Variants in ADGRL3 observed in about 807,000 individuals in gnomAD.
The protein encoded by ADGRL3 is adhesion G protein-coupled receptor L3.
ADGRL3 carries 62 observed loss-of-function variants against 153.5 expected under a neutral mutation model. That is an observed-to-expected ratio of 0.40 (90% CI 0.33 to 0.50). ADGRL3 has a LOEUF of 0.50. Ranked by LOEUF, ADGRL3 falls within the 20% of genes least tolerant of loss-of-function variation. ADGRL3 has a pLI of 0.47. For synonymous variants in ADGRL3, 710 were observed against 672.5 expected, an observed-to-expected ratio of 1.06 and a Z score of -0.86; for missense variants, 1,641 against 1,859.4, an observed-to-expected ratio of 0.88 and a Z score of 2.16.
At chr4:61,302,430 C>T (rs2094608537) in intron 1 of ADGRL3, among the ~76,000 whole-genome samples, 1 of 151,998 alleles carries the variant, frequency 6.6e-6, no homozygotes, top group African/African-American at 2.4e-5. Context: ...ATCTAAAAAA[C>T]TAGGTATTGG....
At chr4:61,370,429 G>T (rs1398116417) in intron 1 of ADGRL3, among the ~76,000 whole-genome samples, 3 of 151,540 alleles carry the variant, frequency 2.0e-5, no homozygotes, top group Non-Finnish European at 4.4e-5. Context: ...GGTATGTTGT[G>T]TCTTTGTTCT....
intron 1 of ADGRL3, among the ~76,000 whole-genome samples, chr4:61,266,424 G>A (rs537287581): frequency 6.6e-6 from 1 of 151,918 alleles, no homozygotes; most frequent in South Asian, 2.1e-4. Flanking sequence ...CTTTTACATA[G>A]TGGGAGTTCT....
chr4:61,847,851 ATAT>A (rs1489858570), intron 9 of ADGRL3, among the ~76,000 whole-genome samples: 2 of 12,786 alleles, frequency 1.6e-4, no homozygotes, highest in African/African-American at 2.1e-4. Context: ...AATATAAAAT[ATAT>A]TATATATAAT....
intron 23 of ADGRL3, among the ~76,000 whole-genome samples, chr4:62,032,079 T>C (rs528904496): frequency 2.0e-5 from 3 of 151,532 alleles, no homozygotes; most frequent in African/African-American, 7.2e-5. Flanking sequence ...CATTAGAACA[T>C]ATAAATGTTT....
intron 17 of ADGRL3, among the ~76,000 whole-genome samples, chr4:61,961,055 C>T (rs564653251): frequency 2.0e-5 from 3 of 152,120 alleles, no homozygotes; most frequent in African/African-American, 2.4e-5. Context: ...CAGGTCTTTA[C>T]GTCTAACCCC....
At chr4:61,863,466 T>G (rs2098368984) in intron 9 of ADGRL3, among the ~76,000 whole-genome samples, 1 of 151,818 alleles carries the variant, frequency 6.6e-6, no homozygotes, top group South Asian at 2.1e-4. Context: ...CTCGATCTCC[T>G]GACCTCGTGA....
intron 8 of ADGRL3, among the ~76,000 whole-genome samples, chr4:61,756,963 A>T (rs1368825707): frequency 6.6e-6 from 1 of 152,208 alleles, no homozygotes; most frequent in Non-Finnish European, 1.5e-5. Context: ...TATCCCAGGG[A>T]TGAAGCCCAC....
intron 24 of ADGRL3, among the ~76,000 whole-genome samples, chr4:62,041,451 T>C (rs1728235201): frequency 6.6e-6 from 1 of 151,992 alleles, no homozygotes; most frequent in South Asian, 2.1e-4. Flanking sequence ...ATTTGAAAAA[T>C]AAAAAAGTGA....
chr4:62,048,075 T>G (rs561942324), intron 25 of ADGRL3, among the ~76,000 whole-genome samples: 107 of 152,222 alleles, frequency 7.0e-4, no homozygotes, highest in Middle Eastern at 3.4e-3. Context: ...CAGCACTCAA[T>G]CCTCAGTCTC....
chr4:61,370,065 C>T lies in ADGRL3; in HGVS notation c.-239-13059C>T, dbSNP rs533419363. On this transcript the variant is annotated intron_variant, in intron 1 of 26. Transcript: ENST00000683033. ...ATGGTAGTTTGTATTTCTGTGGGAT[C>T]GGTGGTGATATCCCCTTTATCATTT... Among the ~76,000 whole-genome samples the T allele has an allele frequency of 4.9e-3, 743 of 152,118 alleles. 12 individuals are homozygous for T. Among genetic ancestry groups the T allele is most frequent in the African/African-American group, 0.017 (690 of 41,494 alleles).
chr4:62,024,122 T>C (rs939695827), intron 21 of ADGRL3, among the ~76,000 whole-genome samples: 4 of 152,150 alleles, frequency 2.6e-5, no homozygotes, highest in African/African-American at 9.6e-5. Context: ...GAAACATAAT[T>C]TGTATAACAT....
intron 2 of ADGRL3, among the ~76,000 whole-genome samples, chr4:61,425,914 GAGGC>G (rs1227206370): frequency 6.6e-6 from 1 of 152,208 alleles, no homozygotes; most frequent in African/African-American, 2.4e-5. Context: ...TAGGTGCATT[GAGGC>G]AGGCAACAGC....
At chr4:61,765,455 A>G (rs554917228) in intron 8 of ADGRL3, among the ~76,000 whole-genome samples, 2 of 152,066 alleles carry the variant, frequency 1.3e-5, no homozygotes, top group Non-Finnish European at 2.9e-5. Flanking sequence ...GAGCTTGGTG[A>G]GGTGTGTTTT....
At chr4:61,354,574 C>CTG (rs58238791) in intron 1 of ADGRL3, among the ~76,000 whole-genome samples, 71,517 of 148,124 alleles carry the variant, frequency 0.48, 18,588 homozygotes, top group East Asian at 0.72. Context: ...AAGACTTTGT[C>CTG]TGTGTGTGTG....
chr4:61,391,524 C>G (rs959562882), intron 2 of ADGRL3, among the ~76,000 whole-genome samples: 7 of 152,144 alleles, frequency 4.6e-5, no homozygotes, highest in Admixed American at 4.6e-4. Context: ...TATGAACATT[C>G]ATTTGCAATG....
intron 6 of ADGRL3, among the ~76,000 whole-genome samples, chr4:61,727,855 A>C (rs998145886): frequency 6.6e-6 from 1 of 152,112 alleles, no homozygotes; most frequent in South Asian, 2.1e-4. Context: ...CACATGCTTA[A>C]AATATCAAGA....
At chr4:61,640,129 G>A (rs1421545262) in intron 5 of ADGRL3, among the ~76,000 whole-genome samples, 2 of 151,948 alleles carry the variant, frequency 1.3e-5, no homozygotes, top group Non-Finnish European at 2.9e-5. Flanking sequence ...CATTTAAACT[G>A]CTGTGACCAA....
chr4:61,638,489 G>T (rs913374394), intron 5 of ADGRL3, among the ~76,000 whole-genome samples: 1 of 151,954 alleles, frequency 6.6e-6, no homozygotes, highest in African/African-American at 2.4e-5. Context: ...CTTTGTTTTT[G>T]GTATGTAATT....
At position 61,448,991 on chromosome 4, in the gene ADGRL3, C is replaced by T. The variant is rs561727974; in HGVS notation, c.-173-48130C>T. 9.9e-5 allele frequency among the ~76,000 whole-genome samples: 15 copies of T among 151,966 alleles called. No individual in the cohort carries two copies. The South Asian group carries it at 2.3e-3, about 23-fold the overall frequency. ...GTTTATGTGGAGATATATGTTTCCT[C>T]CCTTTTAAATACACTGAAGAAATTG... is the stretch of plus-strand genomic sequence containing the variant. On this transcript the variant is annotated intron_variant, in intron 2 of 26. Coordinates refer to ENST00000683033, the MANE Select transcript of ADGRL3 (RefSeq NM_001387552.1).
Sources: gnomAD v4.1 joint callset for allele counts (sites outside exome capture counted in the v4.1 genomes callset) on GRCh38, gnomAD v4.1.1 for gene constraint, MANE v1.5 for transcripts, NCBI Gene and HGNC (gene_info 2026-07-23, HGNC 2026-07-21) for gene names.